Variants in PTPN3 observed in about 807,000 individuals in gnomAD.
PTPN3 encodes the protein tyrosine-protein phosphatase non-receptor type 3.
Under a neutral mutation model 132.7 loss-of-function variants are expected in PTPN3, and 96 were observed. That is an observed-to-expected ratio of 0.72 (90% CI 0.61 to 0.86). PTPN3 has a LOEUF of 0.86. Ranked by LOEUF, PTPN3 falls within the 40% of genes least tolerant of loss-of-function variation. The pLI, the probability that PTPN3 is intolerant of heterozygous loss-of-function variation, is 0.00. For synonymous variants in PTPN3, 398 were observed against 429.0 expected, an observed-to-expected ratio of 0.93 and a Z score of 0.89; for missense variants, 1,125 against 1,159.6, an observed-to-expected ratio of 0.97 and a Z score of 0.43.
upstream of PTPN3, among the ~76,000 whole-genome samples, chr9:109,502,906 C>G (rs1847878044): frequency 1.3e-5 from 2 of 152,062 alleles, no homozygotes; most frequent in East Asian, 3.9e-4. Flanking sequence ...AAAACTGCAC[C>G]AAAATATTAT....
chr9:109,490,131 C>T (rs1365745635), intron 1 of PTPN3, among the ~76,000 whole-genome samples: 1 of 151,468 alleles, frequency 6.6e-6, no homozygotes, highest in Non-Finnish European at 1.5e-5. Context: ...TGCAGTGAGC[C>T]GAGATCGCGC....
rs553928743 is a variant in PTPN3 at position 109,391,381 on chromosome 9, A to C, written c.2044+90T>G. 3 of 1,417,738 alleles carry C rather than the reference A, an allele frequency of 2.1e-6. No homozygotes were observed. The South Asian group carries it at 3.8e-5, about 18-fold the overall frequency. The allele number at this position is 1,417,738 out of a possible 1,614,324, so 87.8% of individuals were successfully genotyped here. On this transcript the variant is annotated intron_variant, in intron 20 of 25. Coordinates refer to ENST00000374541, the MANE Select transcript of PTPN3 (RefSeq NM_002829.4). ...CGGTGGTGTTTACAGACACACTGAAAATCGTTCCAGAATACCAGACAATCT... is the reference window on the plus strand; with the variant it reads ...CGGTGGTGTTTACAGACACACTGAACATCGTTCCAGAATACCAGACAATCT...
chr9:109,429,123 G>T, intron 10 of PTPN3: 1 of 908,978 alleles, frequency 1.1e-6, no homozygotes, highest in Non-Finnish European at 1.3e-6. Context: ...CAAGATAACA[G>T]AATTTAGTCA....
At chr9:109,521,317 C>A in the PTPN3 span, among the ~76,000 whole-genome samples, 1 of 152,044 alleles carries the variant, frequency 6.6e-6, no homozygotes, top group Non-Finnish European at 1.5e-5. Context: ...CACCCCCACA[C>A]CCAGCTAAGG....
At chr9:109,515,787 C>T in the PTPN3 span, among the ~76,000 whole-genome samples, 13 of 152,090 alleles carry the variant, frequency 8.5e-5, no homozygotes, top group Admixed American at 7.9e-4. Context: ...CTTAGGTGAA[C>T]CAATAGAGTG....
the PTPN3 span, among the ~76,000 whole-genome samples, chr9:109,518,703 G>T: frequency 6.6e-6 from 1 of 152,120 alleles, no homozygotes; most frequent in African/African-American, 2.4e-5. Context: ...CTGAAGTAAA[G>T]CTCTGGCTGG....
At chr9:109,450,092 A>G in intron 5 of PTPN3, 1 of 984,618 alleles carries the variant, frequency 1.0e-6, no homozygotes, top group Non-Finnish European at 1.2e-6. Flanking sequence ...AAAACTCACT[A>G]TGCTACAAAT....
intron 2 of PTPN3, among the ~76,000 whole-genome samples, chr9:109,460,999 G>A (rs1477228602): frequency 6.6e-6 from 1 of 152,176 alleles, no homozygotes; most frequent in African/African-American, 2.4e-5. Flanking sequence ...ACAGCTCCAA[G>A]ACAGACAAAC....
intron 2 of PTPN3, among the ~76,000 whole-genome samples, chr9:109,457,690 A>G (rs1009580915): frequency 6.6e-6 from 1 of 152,186 alleles, no homozygotes; most frequent in African/African-American, 2.4e-5. Context: ...CGGAAAACTC[A>G]GCTCTCATAA....
chr9:109,385,662 G>A (rs1195206852), intron 22 of PTPN3, among the ~76,000 whole-genome samples: 1 of 152,208 alleles, frequency 6.6e-6, no homozygotes, highest in Non-Finnish European at 1.5e-5. Context: ...TCTTAGGGCT[G>A]TGGTTAAATT....
At chr9:109,399,092 C>T (rs1020647542) in intron 19 of PTPN3, among the ~76,000 whole-genome samples, 41 of 152,140 alleles carry the variant, frequency 2.7e-4, no homozygotes, top group African/African-American at 9.7e-4. Context: ...AAGGGAATGG[C>T]TAATGTTGGA....
At chr9:109,489,147 G>A (rs145277822) in intron 1 of PTPN3, among the ~76,000 whole-genome samples, 1 of 152,330 alleles carries the variant, frequency 6.6e-6, no homozygotes, top group African/African-American at 2.4e-5. Context: ...CAGCTGGCTT[G>A]TTCATCTCCC....
chr9:109,444,956 C>G (rs1844749330), intron 7 of PTPN3, among the ~76,000 whole-genome samples: 1 of 152,226 alleles, frequency 6.6e-6, no homozygotes, highest in Non-Finnish European at 1.5e-5. Context: ...CTGGAAAATG[C>G]AATGTGCAAC....
chr9:109,429,643 A>C (rs1843522952), intron 10 of PTPN3, among the ~76,000 whole-genome samples: 1 of 152,252 alleles, frequency 6.6e-6, no homozygotes, highest in South Asian at 2.1e-4. Flanking sequence ...CGAAACCCAC[A>C]TATACAAAGG....
intron 22 of PTPN3, among the ~76,000 whole-genome samples, chr9:109,388,197 C>T (rs770403259): frequency 2.6e-4 from 39 of 152,176 alleles, no homozygotes; most frequent in Non-Finnish European, 5.1e-4. Context: ...TCTGGAAGAA[C>T]TGGTGGGTGG....
intron 2 of PTPN3, among the ~76,000 whole-genome samples, chr9:109,458,190 C>G (rs7033550): frequency 0.38 from 57,535 of 152,050 alleles, 11,462 homozygotes; most frequent in African/African-American, 0.49. Flanking sequence ...GGACACCCAA[C>G]GGGACCACAC....
chr9:109,497,053 T>C (rs1383606163), intron 1 of PTPN3, among the ~76,000 whole-genome samples: 3 of 152,214 alleles, frequency 2.0e-5, no homozygotes, highest in Non-Finnish European at 4.4e-5. Flanking sequence ...TGCCAACTTC[T>C]GGAGTTTCTG....
Position 109,410,353 on chromosome 9 carries a change from G to A in PTPN3, c.1376C>T (p.Ser459Phe), listed in dbSNP as rs1251959448. ...GGAGCCTGGAGCATTTGAAGATGGAGACACAGAACTGGATGACTTCTGGGT... is the reference window on the plus strand; with the variant it reads ...GGAGCCTGGAGCATTTGAAGATGGAAACACAGAACTGGATGACTTCTGGGT... The part of the protein sequence containing the change: ...YLTQKSSSSV[S>F]PSSNAPGSCS... The change falls in exon 15 of 26, where the codon TCT (serine) becomes TTT (phenylalanine). Residue 459 changes from serine to phenylalanine, a missense_variant. By Grantham distance (155) the Ser-to-Phe change is radical. Transcript: ENST00000374541. 6.2e-7 allele frequency: 1 copy of A among 1,614,090 alleles called. No homozygotes were observed. Among genetic ancestry groups the A allele is most frequent in the Non-Finnish European group, 8.5e-7 (1 of 1,180,044 alleles).
chr9:109,433,752 CA>C (rs1237054124), intron 9 of PTPN3, among the ~76,000 whole-genome samples: 4 of 151,736 alleles, frequency 2.6e-5, no homozygotes, highest in African/African-American at 4.8e-5. Context: ...CAAAACAATA[CA>C]AAAAATTAGG....
Sources: gnomAD v4.1 joint callset for allele counts (sites outside exome capture counted in the v4.1 genomes callset) on GRCh38, gnomAD v4.1.1 for gene constraint, MANE v1.5 for transcripts, NCBI Gene and HGNC (gene_info 2026-07-23, HGNC 2026-07-21) for gene names.